The following ACVR1 variants were observed in gnomAD, a reference collection of about 807,000 sequenced individuals.
The protein encoded by ACVR1 is activin A receptor type 1, also known as activin receptor type-1.
In ACVR1, 38 loss-of-function variants were observed where a neutral mutation model predicts 57.1. The ratio of observed to expected loss-of-function variants is 0.67; its 90% confidence interval spans 0.51 to 0.87. ACVR1 has a LOEUF of 0.87. Among genes scored for constraint, ACVR1 ranks in the 40% least tolerant of loss-of-function variants. The pLI, the probability that ACVR1 is intolerant of heterozygous loss-of-function variation, is 0.00. For missense variants in ACVR1, 463 were observed against 638.2 expected, an observed-to-expected ratio of 0.73 and a Z score of 2.96; for synonymous variants, 212 against 228.1, an observed-to-expected ratio of 0.93 and a Z score of 0.63.
chr2:157,765,918 T>C lies in ACVR1; in HGVS notation c.1066+3A>G. ...GAGGAAAAAAATATTTTTAGAAATT[T>C]ACCCAAATCTGCTATGCAACACTGT... On this transcript the variant is annotated splice_donor_region_variant and intron_variant, in intron 8 of 10. Transcript: ENST00000434821. The C allele has an allele frequency of 1.9e-6, 3 of 1,614,028 alleles. No individual in the cohort carries two copies. In the South Asian group the frequency reaches 3.3e-5, roughly 18 times the overall value.
intron 1 of ACVR1, among the ~76,000 whole-genome samples, chr2:157,870,563 G>A (rs1363138739): frequency 6.6e-6 from 1 of 152,114 alleles, no homozygotes; most frequent in South Asian, 2.1e-4. Flanking sequence ...CCACCACTAC[G>A]TTTTCACTGT....
chr2:157,757,694 G>A (rs148372356), intron 9 of ACVR1, among the ~76,000 whole-genome samples: 1,655 of 151,870 alleles, frequency 0.011, 113 homozygotes, highest in Admixed American at 0.095. Context: ...GTATTTCCCA[G>A]ATAAACAAAA....
At chr2:157,792,285 A>G (rs1671844666) in intron 3 of ACVR1, among the ~76,000 whole-genome samples, 1 of 152,182 alleles carries the variant, frequency 6.6e-6, no homozygotes, top group Non-Finnish European at 1.5e-5. Flanking sequence ...AGCCCGTAAC[A>G]AAGAATTAGA....
In ACVR1 at chr2:157,754,513, T is replaced by C. The variant is rs149126615; in HGVS notation, c.1264+6367A>G. On this transcript the variant is annotated intron_variant, in intron 9 of 10. Transcript: ENST00000434821. ...CATAAACTAGAAAACCTAGAGGAGATAGATAAATTCCTGGAAATATACAAC... is the reference window on the plus strand; with the variant it reads ...CATAAACTAGAAAACCTAGAGGAGACAGATAAATTCCTGGAAATATACAAC... Among the ~76,000 whole-genome samples, 665 of 152,092 alleles carry C rather than the reference T, an allele frequency of 4.4e-3. 10 individuals carry two copies. The highest frequency in any genetic ancestry group is 0.032 in the Admixed American group (494 of 15,280).
chr2:157,770,648 A>C (rs1686040146), intron 6 of ACVR1, 134 bp from the exon 7 acceptor site: 1 of 920,844 alleles, frequency 1.1e-6, no homozygotes, highest in African/African-American at 1.7e-5. Flanking sequence ...TCAGCTTGGG[A>C]ATATAAATAT....
At chr2:157,763,209 A>G (rs1344867849) in intron 8 of ACVR1, among the ~76,000 whole-genome samples, 2 of 152,230 alleles carry the variant, frequency 1.3e-5, no homozygotes, top group African/African-American at 4.8e-5. Context: ...CTGATTATGA[A>G]GAAGATGCAT....
intron 9 of ACVR1, among the ~76,000 whole-genome samples, chr2:157,755,523 AATACCATACC>A (rs71402402): frequency 0.27 from 40,256 of 149,722 alleles, 5,696 homozygotes; most frequent in African/African-American, 0.36. Flanking sequence ...AGCTGCAAAT[AATACCATACC>A]ATACCATACC....
chr2:157,769,960 C>T (rs1337873635), intron 7 of ACVR1, among the ~76,000 whole-genome samples: 1 of 152,142 alleles, frequency 6.6e-6, no homozygotes, highest in Non-Finnish European at 1.5e-5. Context: ...CATTTAATTA[C>T]GATATCCCTG....
At chr2:157,804,588 C>T (rs962611136) in intron 2 of ACVR1, among the ~76,000 whole-genome samples, 1 of 152,290 alleles carries the variant, frequency 6.6e-6, no homozygotes, top group African/African-American at 2.4e-5. Flanking sequence ...CCGTGCCTCT[C>T]GTGTACGCAC....
intron 1 of ACVR1, among the ~76,000 whole-genome samples, chr2:157,828,908 A>C (rs1688488193): frequency 6.6e-6 from 1 of 152,060 alleles, no homozygotes; most frequent in Non-Finnish European, 1.5e-5. Context: ...CTGGGATTAC[A>C]GGCACCCACC....
At chr2:157,806,989 C>T (rs1687572732) in intron 2 of ACVR1, 1 of 152,068 alleles carries the variant, frequency 6.6e-6, no homozygotes, top group South Asian at 2.1e-4. Context: ...GCCCTGGATC[C>T]GTTTATCCTG....
At chr2:157,743,552 G>A (rs1011626777) in intron 9 of ACVR1, among the ~76,000 whole-genome samples, 1 of 151,662 alleles carries the variant, frequency 6.6e-6, no homozygotes, top group African/African-American at 2.4e-5. Flanking sequence ...AACTCTCAAG[G>A]TTAGATGCAT....
intron 9 of ACVR1, among the ~76,000 whole-genome samples, chr2:157,755,674 C>T (rs1294841183): frequency 1.3e-5 from 2 of 152,002 alleles, no homozygotes; most frequent in African/African-American, 4.8e-5. Context: ...ATGACACAAA[C>T]AAATGGAAAC....
intron 1 of ACVR1, among the ~76,000 whole-genome samples, chr2:157,822,761 C>T (rs1282048199): frequency 2.0e-5 from 3 of 152,180 alleles, no homozygotes; most frequent in East Asian, 1.9e-4. Context: ...TCTATGACTG[C>T]TTTCACACTG....
chr2:157,801,788 A>AC (rs1337648016), intron 2 of ACVR1, among the ~76,000 whole-genome samples: 1 of 152,184 alleles, frequency 6.6e-6, no homozygotes, highest in African/African-American at 2.4e-5. Flanking sequence ...GCATCAGAAA[A>AC]CTTTTTATGG....
intron 2 of ACVR1, among the ~76,000 whole-genome samples, chr2:157,816,372 C>G (rs1043225086): frequency 3.6e-4 from 55 of 151,670 alleles, no homozygotes; most frequent in African/African-American, 1.2e-3. Context: ...ATACTTGAGG[C>G]CAGCAGTTCA....
At chr2:157,755,678 T>C (rs1009459995) in intron 9 of ACVR1, among the ~76,000 whole-genome samples, 3 of 151,942 alleles carry the variant, frequency 2.0e-5, no homozygotes, top group Admixed American at 1.3e-4. Context: ...CACAAACAAA[T>C]GGAAACATAT....
intron 1 of ACVR1, among the ~76,000 whole-genome samples, chr2:157,864,141 C>T (rs1689834370): frequency 6.6e-6 from 1 of 150,938 alleles, no homozygotes; most frequent in East Asian, 2.0e-4. Flanking sequence ...GGATTACAGG[C>T]GTGAGCCACC....
intron 3 of ACVR1, among the ~76,000 whole-genome samples, chr2:157,781,501 C>T (rs1384102633): frequency 2.6e-5 from 4 of 152,128 alleles, no homozygotes; most frequent in Admixed American, 6.5e-5. Flanking sequence ...GGAATTAACA[C>T]CTGCTTAAGA....
Sources: gnomAD v4.1 joint callset for allele counts (sites outside exome capture counted in the v4.1 genomes callset) on GRCh38, gnomAD v4.1.1 for gene constraint, MANE v1.5 for transcripts, NCBI Gene and HGNC (gene_info 2026-07-23, HGNC 2026-07-21) for gene names.